CORIN: variants seen among roughly 807,000 people sequenced by gnomAD.
CORIN encodes the protein corin, serine peptidase, also known as atrial natriuretic peptide-converting enzyme.
In CORIN, 117 loss-of-function variants were observed where a neutral mutation model predicts 125.3. The ratio of observed to expected loss-of-function variants is 0.93; its 90% CI spans 0.80 to 1.09. The LOEUF (loss-of-function observed/expected upper bound fraction) is 1.09, where lower values mean the gene tolerates loss of function less well. CORIN is among the 50% of genes least tolerant of loss of function. The pLI, the probability that CORIN is intolerant of heterozygous loss-of-function variation, is 0.00. For synonymous variants in CORIN, 450 were observed against 466.4 expected, an observed-to-expected ratio of 0.96 and a Z score of 0.45; for missense variants, 1,253 against 1,306.7, an observed-to-expected ratio of 0.96 and a Z score of 0.63.
intron 14 of CORIN, among the ~76,000 whole-genome samples, chr4:47,643,512 T>G (rs1288739631): frequency 1.3e-5 from 2 of 152,136 alleles, no homozygotes; most frequent in Non-Finnish European, 2.9e-5. Flanking sequence ...ACAATCAGAC[T>G]GAATAAACAG....
At position 47,658,175 on chromosome 4, in the gene CORIN, T is replaced by C. The variant is rs1350246826; in HGVS notation, c.1735+3536A>G. Among the ~76,000 whole-genome samples, 6 of 152,286 alleles carry C rather than the reference T, an allele frequency of 3.9e-5. No individual in the cohort carries two copies. In the South Asian group the frequency reaches 1.0e-3, roughly 26 times the overall value. On this transcript the variant is annotated intron_variant, in intron 12 of 21. Coordinates refer to ENST00000273857, the MANE Select transcript of CORIN (RefSeq NM_006587.4). ...ACATTCTTATTTCAAAAGGGAGAAA[T>C]TGGCTAAAAGAAAGAGGCTACAGGC...
chr4:47,836,936 G>A (rs942309436), intron 1 of CORIN, among the ~76,000 whole-genome samples: 11 of 152,208 alleles, frequency 7.2e-5, no homozygotes, highest in African/African-American at 2.2e-4. Context: ...GGAGCAGCTG[G>A]GACCCTCGCG....
At chr4:47,777,987 A>G (rs899924389) in intron 3 of CORIN, among the ~76,000 whole-genome samples, 2 of 152,258 alleles carry the variant, frequency 1.3e-5, no homozygotes, top group Non-Finnish European at 2.9e-5. Context: ...AGTAAATTAC[A>G]TAGTTTGGGT....
At chr4:47,683,917 A>G (rs926485652) in intron 6 of CORIN, 79 bp from the exon 7 acceptor site, 30 of 1,033,750 alleles carry the variant, frequency 2.9e-5, no homozygotes, top group South Asian at 2.2e-4. Context: ...ACAAAAGCCA[A>G]TCATGGAAGG....
At chr4:47,779,056 A>C (rs1253522176) in intron 3 of CORIN, among the ~76,000 whole-genome samples, 6 of 152,268 alleles carry the variant, frequency 3.9e-5, no homozygotes, top group Non-Finnish European at 1.5e-5. Flanking sequence ...AATTTAGTAT[A>C]ATTAAATTGC....
chr4:47,719,760 A>G (rs554006657), intron 5 of CORIN, among the ~76,000 whole-genome samples: 2 of 152,222 alleles, frequency 1.3e-5, no homozygotes, highest in Non-Finnish European at 2.9e-5. Context: ...ACAGCTTAGC[A>G]ACTGAAAAGA....
At chr4:47,748,944 A>C (rs1728780760) in intron 4 of CORIN, among the ~76,000 whole-genome samples, 1 of 152,226 alleles carries the variant, frequency 6.6e-6, no homozygotes, top group Admixed American at 6.5e-5. Context: ...TATTAGAACC[A>C]GGACATTAGC....
At chr4:47,667,658 G>C (rs995226627) in intron 10 of CORIN, among the ~76,000 whole-genome samples, 2 of 152,072 alleles carry the variant, frequency 1.3e-5, no homozygotes, top group Non-Finnish European at 2.9e-5. Flanking sequence ...GCTGATGTTG[G>C]CCTGATTAAA....
At chr4:47,767,439 T>C (rs756630294) in intron 3 of CORIN, among the ~76,000 whole-genome samples, 3 of 152,138 alleles carry the variant, frequency 2.0e-5, no homozygotes, top group Admixed American at 6.5e-5. Context: ...CTGGTATGGC[T>C]ATTGGTACCA....
chr4:47,606,667 CCTTT>C lies in CORIN; in HGVS notation c.2541-3003_2541-3000del, dbSNP rs148868160. 3.6e-3 allele frequency among the ~76,000 whole-genome samples: 533 copies of C among 148,518 alleles called. 5 individuals carry two copies. Among genetic ancestry groups the C allele is most frequent in the African/African-American group, 9.7e-3 (400 of 41,166 alleles). On this transcript the variant is annotated intron_variant, in intron 19 of 21. Coordinates refer to ENST00000273857, the MANE Select transcript of CORIN (RefSeq NM_006587.4). The stretch of plus-strand genomic sequence containing the variant: ...TCCTTTCTTCCCTCCTTCCTTCCTT[CCTTT>C]CTTTTTCTTTCCTTTTTTCCTTCTT...
chr4:47,734,542 A>T (rs1247308706), intron 5 of CORIN, among the ~76,000 whole-genome samples: 2 of 152,228 alleles, frequency 1.3e-5, no homozygotes, highest in East Asian at 3.8e-4. Flanking sequence ...GTATCACAGC[A>T]TATTTACATG....
At chr4:47,633,198 G>C (rs1051584871) in intron 16 of CORIN, among the ~76,000 whole-genome samples, 2 of 152,002 alleles carry the variant, frequency 1.3e-5, no homozygotes, top group Non-Finnish European at 2.9e-5. Flanking sequence ...AAGGGGGGAG[G>C]TTAATGGATC....
intron 1 of CORIN, among the ~76,000 whole-genome samples, chr4:47,819,096 C>A (rs1246925401): frequency 6.6e-6 from 1 of 151,886 alleles, no homozygotes; most frequent in East Asian, 1.9e-4. Flanking sequence ...GAAGACATAG[C>A]AAAAATGAAA....
At chr4:47,746,076 AAAG>A (rs768979458) in intron 4 of CORIN, among the ~76,000 whole-genome samples, 10 of 152,332 alleles carry the variant, frequency 6.6e-5, no homozygotes, top group African/African-American at 1.9e-4. Flanking sequence ...TTCTTGGTAT[AAAG>A]AAGACACCCG....
intron 19 of CORIN, among the ~76,000 whole-genome samples, chr4:47,608,715 T>G (rs775745346): frequency 2.0e-5 from 3 of 152,200 alleles, no homozygotes; most frequent in African/African-American, 7.2e-5. Context: ...CTTACAATTC[T>G]TCAATTATTA....
At chr4:47,716,853 T>A (rs779439897) in intron 5 of CORIN, among the ~76,000 whole-genome samples, 4 of 151,926 alleles carry the variant, frequency 2.6e-5, no homozygotes, top group Non-Finnish European at 4.4e-5. Context: ...AAAAAGTCAA[T>A]AAAAATGAAG....
At chr4:47,738,883 A>C (rs1728255365) in intron 5 of CORIN, among the ~76,000 whole-genome samples, 2 of 151,804 alleles carry the variant, frequency 1.3e-5, no homozygotes, top group African/African-American at 4.8e-5. Context: ...GATTATTTTA[A>C]AATATTAGAA....
At chr4:47,789,407 A>G (rs1339624680) in intron 2 of CORIN, among the ~76,000 whole-genome samples, 1 of 152,266 alleles carries the variant, frequency 6.6e-6, no homozygotes, top group Non-Finnish European at 1.5e-5. Context: ...ACTGACTTGG[A>G]TAACAACTTT....
At chr4:47,789,581 C>T (rs773466378) in intron 2 of CORIN, among the ~76,000 whole-genome samples, 4 of 152,144 alleles carry the variant, frequency 2.6e-5, no homozygotes, top group Non-Finnish European at 4.4e-5. Flanking sequence ...CTTTAAAAGC[C>T]TGAACTCACT....
Sources: allele counts gnomAD v4.1 joint callset (sites outside exome capture counted in the v4.1 genomes callset), GRCh38; gene constraint gnomAD v4.1.1; transcripts MANE v1.5; gene names NCBI Gene and HGNC (gene_info 2026-07-23, HGNC 2026-07-21).